Variants in NDUFAF2 observed in about 807,000 individuals in gnomAD.
NDUFAF2 encodes the protein NADH dehydrogenase [ubiquinone] 1 alpha subcomplex assembly factor 2.
Under a neutral mutation model 22.8 loss-of-function variants are expected in NDUFAF2, and 13 were observed. The observed-to-expected ratio is 0.57, with a 90% CI of 0.37 to 0.91. The LOEUF (loss-of-function observed/expected upper bound fraction) is 0.91, where lower values mean the gene tolerates loss of function less well. Ranked by LOEUF, NDUFAF2 falls within the 40% of genes least tolerant of loss-of-function variation. The pLI is 0.01. For missense variants in NDUFAF2, 162 were observed against 195.2 expected (o/e 0.83, Z 1.01); for synonymous variants, 53 against 64.2 (o/e 0.83, Z 0.84).
intron 1 of NDUFAF2, among the ~76,000 whole-genome samples, chr5:61,059,796 C>A (rs1471844496): frequency 2.0e-5 from 3 of 151,968 alleles, no homozygotes. Context: ...AAAATATTAT[C>A]TGTGGAGATA....
chr5:61,128,796 A>G (rs1753069670), intron 3 of NDUFAF2, among the ~76,000 whole-genome samples: 1 of 152,184 alleles, frequency 6.6e-6, no homozygotes, highest in Non-Finnish European at 1.5e-5. Context: ...AAAATTGACA[A>G]ATGGGATCTA....
chr5:60,973,226 A>G (rs765938694), intron 1 of NDUFAF2, among the ~76,000 whole-genome samples: 16 of 152,134 alleles, frequency 1.1e-4, no homozygotes, highest in Non-Finnish European at 2.1e-4. Context: ...TTTTTGGTAG[A>G]TTCCTCAAGA....
chr5:61,060,293 T>G (rs1752147957), intron 1 of NDUFAF2, among the ~76,000 whole-genome samples: 1 of 152,176 alleles, frequency 6.6e-6, no homozygotes, highest in Admixed American at 6.6e-5. Flanking sequence ...ATTTTAGTGC[T>G]CTTAATTTGT....
chr5:61,074,405 G>A (rs1752340293), intron 2 of NDUFAF2, among the ~76,000 whole-genome samples: 1 of 152,160 alleles, frequency 6.6e-6, no homozygotes, highest in Non-Finnish European at 1.5e-5. Context: ...TGGCCAACAT[G>A]GTGAAACCCC....
At chr5:61,031,041 A>G (rs1372378080) in intron 1 of NDUFAF2, among the ~76,000 whole-genome samples, 1 of 151,942 alleles carries the variant, frequency 6.6e-6, no homozygotes, top group Admixed American at 6.6e-5. Context: ...TGCTTTTTTA[A>G]ACTTAGTTTT....
At chr5:61,049,702 G>C (rs1412043161) in intron 1 of NDUFAF2, among the ~76,000 whole-genome samples, 2 of 151,706 alleles carry the variant, frequency 1.3e-5, no homozygotes, top group African/African-American at 2.4e-5. Flanking sequence ...TTTGTGTCTG[G>C]CTCATTTCAC....
intron 1 of NDUFAF2, among the ~76,000 whole-genome samples, chr5:61,026,147 C>G (rs1160238934): frequency 2.6e-5 from 4 of 152,016 alleles, no homozygotes; most frequent in Non-Finnish European, 5.9e-5. Context: ...TTTTGACACT[C>G]AGTTAGAAAT....
At chr5:61,136,246 G>A (rs982968876) in intron 3 of NDUFAF2, among the ~76,000 whole-genome samples, 5 of 151,748 alleles carry the variant, frequency 3.3e-5, no homozygotes, top group African/African-American at 7.3e-5. Flanking sequence ...TAAGGGGTAG[G>A]TTTTCAAAAG....
chr5:61,042,078 T>C (rs1751890523), intron 1 of NDUFAF2, among the ~76,000 whole-genome samples: 1 of 152,214 alleles, frequency 6.6e-6, no homozygotes. Context: ...ACTATATTTG[T>C]ACTTTTGGAC....
chr5:61,125,101 C>T (rs181114045), intron 3 of NDUFAF2, among the ~76,000 whole-genome samples: 140 of 152,164 alleles, frequency 9.2e-4, no homozygotes, highest in Middle Eastern at 3.4e-3. Context: ...TCCCCTGACA[C>T]CTGAGGATTA....
intron 3 of NDUFAF2, among the ~76,000 whole-genome samples, chr5:61,101,411 C>T (rs1752704276): frequency 6.6e-6 from 1 of 152,094 alleles, no homozygotes. Flanking sequence ...TTCGTAAAAA[C>T]TTCGTATTTG....
chr5:61,098,840 A>G, intron 2 of NDUFAF2, 152 bp from the exon 3 acceptor site: 1 of 503,720 alleles, frequency 2.0e-6, no homozygotes, highest in South Asian at 3.3e-5. Context: ...CATGTGCTAC[A>G]GTAGAGAAGG....
At chr5:61,007,064 A>G (rs1202613327) in intron 1 of NDUFAF2, among the ~76,000 whole-genome samples, 1 of 151,672 alleles carries the variant, frequency 6.6e-6, no homozygotes, top group Non-Finnish European at 1.5e-5. Flanking sequence ...CATTTTGTAG[A>G]TTGCCTGTTC....
intron 3 of NDUFAF2, among the ~76,000 whole-genome samples, chr5:61,109,026 A>T (rs1400682491): frequency 6.6e-6 from 1 of 152,144 alleles, no homozygotes; most frequent in Admixed American, 6.6e-5. Context: ...TTTGCATTGA[A>T]TCTGTAGATT....
intron 1 of NDUFAF2, among the ~76,000 whole-genome samples, chr5:61,054,841 G>C (rs537611106): frequency 6.6e-6 from 1 of 152,288 alleles, no homozygotes; most frequent in South Asian, 2.1e-4. Context: ...AGAGAGCATT[G>C]CTTTAAACAA....
intron 3 of NDUFAF2, among the ~76,000 whole-genome samples, chr5:61,103,625 G>C (rs1329703098): frequency 1.3e-5 from 2 of 152,026 alleles, no homozygotes. Flanking sequence ...GGCCATTATA[G>C]ACTTAAAAAT....
intron 1 of NDUFAF2, among the ~76,000 whole-genome samples, chr5:60,989,150 A>G (rs527850564): frequency 6.6e-6 from 1 of 152,250 alleles, no homozygotes; most frequent in Non-Finnish European, 1.5e-5. Flanking sequence ...GCCAACAAGC[A>G]TATGAAAAAA....
intron 1 of NDUFAF2, among the ~76,000 whole-genome samples, chr5:60,994,919 A>T (rs1751209107): frequency 6.6e-6 from 1 of 151,558 alleles, no homozygotes; most frequent in African/African-American, 2.4e-5. Flanking sequence ...GTGTATTTTC[A>T]AGTAGCCTGA....
rs79717630 is a variant in NDUFAF2 at position 60,963,682 on chromosome 5, G to A, written c.127+18300G>A. On this transcript the variant is annotated intron_variant, in intron 1 of 3. Coordinates refer to ENST00000296597, the MANE Select transcript of NDUFAF2 (RefSeq NM_174889.5). ...TAATAAGCAGAATACTGAAAAATCCGTGGCTTTACTGAGCTTACATTGAAG... is the reference window on the plus strand; with the variant it reads ...TAATAAGCAGAATACTGAAAAATCCATGGCTTTACTGAGCTTACATTGAAG... 7.6e-3 allele frequency among the ~76,000 whole-genome samples: 1,153 copies of A among 152,266 alleles called. 13 individuals carry two copies. Among genetic ancestry groups the A allele is most frequent in the African/African-American group, 0.026 (1,088 of 41,538 alleles).
Sources: allele counts gnomAD v4.1 joint callset (sites outside exome capture counted in the v4.1 genomes callset), GRCh38; gene constraint gnomAD v4.1.1; transcripts MANE v1.5; gene names NCBI Gene and HGNC (gene_info 2026-07-23, HGNC 2026-07-21).